Variants in CDH20 observed in about 807,000 individuals in gnomAD.
CDH20 encodes the protein cadherin-20.
A neutral mutation model predicts 74.2 loss-of-function variants in CDH20; 29 were observed. That is an observed-to-expected ratio of 0.39 (90% CI 0.29 to 0.53). The LOEUF (loss-of-function observed/expected upper bound fraction) is 0.53, where lower values mean the gene tolerates loss of function less well. Ranked by LOEUF, CDH20 falls within the 20% of genes least tolerant of loss-of-function variation. CDH20 has a pLI of 0.69. For missense variants in CDH20, 988 were observed against 1,048.3 expected, an observed-to-expected ratio of 0.94 and a Z score of 0.79; for synonymous variants, 469 against 405.4, an observed-to-expected ratio of 1.16 and a Z score of -1.88.
intron 1 of CDH20, among the ~76,000 whole-genome samples, chr18:61,450,034 G>A (rs565709950): frequency 7.9e-5 from 12 of 152,016 alleles, no homozygotes; most frequent in South Asian, 2.1e-4. Context: ...CGCAATCCCC[G>A]CAACAAATCT....
At chr18:61,451,327 TA>T (rs1009636432) in intron 1 of CDH20, among the ~76,000 whole-genome samples, 39 of 151,926 alleles carry the variant, frequency 2.6e-4, no homozygotes, top group Non-Finnish European at 4.3e-4. Context: ...TTAAATTATA[TA>T]AAAAAACAAA....
At chr18:61,540,153 C>T (rs578257371) in intron 9 of CDH20, among the ~76,000 whole-genome samples, 1 of 152,246 alleles carries the variant, frequency 6.6e-6, no homozygotes, top group Non-Finnish European at 1.5e-5. Context: ...GACCCAGCAA[C>T]CCTACAGATC....
intron 8 of CDH20, among the ~76,000 whole-genome samples, chr18:61,538,607 TG>T (rs1186183616): frequency 0.026 from 1,184 of 45,002 alleles, 124 homozygotes; most frequent in East Asian, 0.031. Context: ...TTTTTGTTTT[TG>T]TTTTTGTTTT....
At chr18:61,451,023 T>C (rs1909367997) in intron 1 of CDH20, among the ~76,000 whole-genome samples, 1 of 152,138 alleles carries the variant, frequency 6.6e-6, no homozygotes, top group Non-Finnish European at 1.5e-5. Context: ...GTTGAATTAA[T>C]GGATAAAATA....
intron 1 of CDH20, among the ~76,000 whole-genome samples, chr18:61,357,121 C>T (rs1232873249): frequency 1.3e-5 from 2 of 152,184 alleles, no homozygotes; most frequent in Non-Finnish European, 2.9e-5. Context: ...CAACTTGCCT[C>T]CCTGCTGTCT....
chr18:61,367,432 T>C (rs1910897484), intron 1 of CDH20, among the ~76,000 whole-genome samples: 1 of 152,216 alleles, frequency 6.6e-6, no homozygotes, highest in Non-Finnish European at 1.5e-5. Flanking sequence ...ACAGATTTAT[T>C]ATCTCACAGA....
chr18:61,507,983 T>G (rs1476126658), intron 6 of CDH20, among the ~76,000 whole-genome samples: 1 of 151,778 alleles, frequency 6.6e-6, no homozygotes, highest in Admixed American at 6.6e-5. Context: ...CATGCAAGGG[T>G]TTTTTAATTG....
intron 1 of CDH20, among the ~76,000 whole-genome samples, chr18:61,483,422 A>T (rs1910657708): frequency 6.6e-6 from 1 of 152,178 alleles, no homozygotes; most frequent in Admixed American, 6.5e-5. Context: ...TTCTTTGTAA[A>T]CTGAGGAAAC....
At position 61,339,360 on chromosome 18, in the gene CDH20, T is replaced by TACACACAC. The variant is rs35630137; in HGVS notation, c.-153+5557_-153+5564dup. Among the ~76,000 whole-genome samples the TACACACAC allele has an allele frequency of 9.6e-3, 1,406 of 145,920 alleles. 19 individuals are homozygous for TACACACAC. Among genetic ancestry groups the TACACACAC allele is most frequent in the African/African-American group, 0.033 (1,328 of 39,900 alleles). On this transcript the variant is annotated intron_variant, in intron 1 of 11. Coordinates refer to ENST00000262717, the MANE Select transcript of CDH20 (RefSeq NM_031891.4). ...TCAAGGGGTACATGTGCAAGTTTAT[T>TACACACAC]ACACACACACACACACACACACACA... is the stretch of plus-strand genomic sequence containing the variant.
chr18:61,538,587 TGTTTG>T lies in CDH20; in HGVS notation c.1409-436_1409-432del, dbSNP rs752405373. Among the ~76,000 whole-genome samples the T allele has an allele frequency of 3.2e-4, 16 of 49,882 alleles. 1 individual carries two copies. The highest frequency in any genetic ancestry group is 1.1e-3 in the South Asian group (1 of 886). The allele number at this position is 49,882 out of a possible 152,430, so 32.7% of individuals were successfully genotyped here. A position where few individuals can be genotyped will look rare whatever the true frequency, so the allele number is the denominator to read the frequency against. ...ACCAAGTAAATAACTACTTTTTGTT[TGTTTG>T]TTTGTTTTTGTTTTTGTTTTTGTTT... On this transcript the variant is annotated intron_variant, in intron 8 of 11. Coordinates refer to ENST00000262717, the MANE Select transcript of CDH20 (RefSeq NM_031891.4).
chr18:61,384,625 T>G (rs1245733057), intron 1 of CDH20, among the ~76,000 whole-genome samples: 1 of 152,176 alleles, frequency 6.6e-6, no homozygotes, highest in Non-Finnish European at 1.5e-5. Flanking sequence ...GAGATACTGA[T>G]TTTATTTCCT....
intron 1 of CDH20, among the ~76,000 whole-genome samples, chr18:61,482,762 G>C (rs1910632544): frequency 6.6e-6 from 1 of 151,916 alleles, no homozygotes; most frequent in African/African-American, 2.4e-5. Context: ...CTTCCAAAGT[G>C]CTAAGATTAC....
At chr18:61,552,962 T>C (rs1207459862) in intron 11 of CDH20, among the ~76,000 whole-genome samples, 4 of 152,188 alleles carry the variant, frequency 2.6e-5, no homozygotes, top group Admixed American at 6.5e-5. Flanking sequence ...CTCCTTTCAG[T>C]CCACGCCTCG....
chr18:61,492,902 A>G (rs895936254), intron 2 of CDH20, among the ~76,000 whole-genome samples: 1 of 152,244 alleles, frequency 6.6e-6, no homozygotes, highest in Non-Finnish European at 1.5e-5. Flanking sequence ...GCTCAAGATG[A>G]CATTTAATAA....
chr18:61,472,245 C>G (rs1409983170), intron 1 of CDH20, among the ~76,000 whole-genome samples: 1 of 152,100 alleles, frequency 6.6e-6, no homozygotes, highest in African/African-American at 2.4e-5. Context: ...CTTCCTAAGT[C>G]GCTTTAGGCT....
At chr18:61,533,659 A>C (rs557595326) in intron 7 of CDH20, among the ~76,000 whole-genome samples, 133 of 152,174 alleles carry the variant, frequency 8.7e-4, no homozygotes, top group Admixed American at 1.5e-3. Flanking sequence ...TTGCTTTTGC[A>C]TGTGCTTTTG....
chr18:61,549,908 C>CAA (rs1913372666), intron 10 of CDH20, 70 bp from the exon 11 acceptor site: 24 of 1,536,928 alleles, frequency 1.6e-5, no homozygotes, highest in Non-Finnish European at 2.0e-5. Flanking sequence ...CCCCTGCCCC[C>CAA]TTGCTTTCCT....
At chr18:61,447,225 T>C (rs1170013273) in intron 1 of CDH20, among the ~76,000 whole-genome samples, 1 of 152,178 alleles carries the variant, frequency 6.6e-6, no homozygotes, top group Non-Finnish European at 1.5e-5. Flanking sequence ...TTATTGATGA[T>C]GAGATGCCTG....
At chr18:61,335,394 G>A (rs777512626) in intron 1 of CDH20, among the ~76,000 whole-genome samples, 2 of 152,168 alleles carry the variant, frequency 1.3e-5, no homozygotes, top group Non-Finnish European at 2.9e-5. Flanking sequence ...AGAAAGCTGG[G>A]CGAGGGTGTG....
Sources: gnomAD v4.1 joint callset for allele counts (sites outside exome capture counted in the v4.1 genomes callset) on GRCh38, gnomAD v4.1.1 for gene constraint, MANE v1.5 for transcripts, NCBI Gene and HGNC (gene_info 2026-07-23, HGNC 2026-07-21) for gene names.